Variants in ATL3 observed in about 807,000 individuals in gnomAD.
ATL3 encodes the protein atlastin-3.
ATL3 carries 49 observed loss-of-function variants against 69.5 expected under a neutral mutation model. That is an observed-to-expected ratio of 0.71 (90% CI 0.56 to 0.89). The LOEUF (loss-of-function observed/expected upper bound fraction) is 0.89, where lower values mean the gene tolerates loss of function less well. Ranked by LOEUF, ATL3 falls within the 40% of genes least tolerant of loss-of-function variation. ATL3 has a pLI of 0.00. For synonymous variants in ATL3, 214 were observed against 224.1 expected (o/e 0.95, Z 0.40); for missense variants, 606 against 645.7 (o/e 0.94, Z 0.67).
intron 1 of ATL3, among the ~76,000 whole-genome samples, chr11:63,662,079 G>A (rs376175046): frequency 5.7e-4 from 86 of 151,918 alleles, no homozygotes; most frequent in African/African-American, 2.0e-3. Context: ...CGGGCGTGGT[G>A]GTGGGTGCCT....
intron 10 of ATL3, 30 bp from the exon 11 acceptor site, chr11:63,633,127 ATCCT>A: frequency 6.3e-7 from 1 of 1,582,128 alleles, no homozygotes; most frequent in South Asian, 1.1e-5. Flanking sequence ...TGAACTGTAA[ATCCT>A]TCCTCTTTTA....
Position 63,671,337 on chromosome 11 carries a change from G to A in ATL3, c.-2C>T, listed in dbSNP as rs572959445. ...TGCCACTCGCTGAGGGGACAACATG[G>A]AGCCTCCGCCTTCAAAGCAGAAGCA... is the stretch of plus-strand genomic sequence containing the variant. On this transcript the variant is annotated 5_prime_UTR_variant, in exon 1 of 13. Transcript: ENST00000398868. 126 of 1,583,040 alleles carry A rather than the reference G, an allele frequency of 8.0e-5. 1 individual carries two copies. In the South Asian group the frequency reaches 1.3e-3, roughly 16 times the overall value.
At chr11:63,643,236 A>C (rs1006712293) in intron 8 of ATL3, 121 bp downstream of exon 8, 1 of 1,108,886 alleles carries the variant, frequency 9.0e-7, no homozygotes, top group African/African-American at 1.6e-5. Context: ...CTAGACTTTA[A>C]ATACTACTCT....
intron 1 of ATL3, among the ~76,000 whole-genome samples, chr11:63,665,214 A>G (rs999087659): frequency 4.6e-5 from 7 of 152,064 alleles, no homozygotes; most frequent in Non-Finnish European, 8.8e-5. Flanking sequence ...GCGTGGTGGC[A>G]CATGCCTGTA....
chr11:63,661,663 G>A (rs1202738382), intron 1 of ATL3, among the ~76,000 whole-genome samples: 1 of 151,936 alleles, frequency 6.6e-6, no homozygotes, highest in African/African-American at 2.4e-5. Flanking sequence ...GCCGAGGCGG[G>A]CAGATCACCT....
chr11:63,654,636 G>C (rs1056320711), intron 3 of ATL3, among the ~76,000 whole-genome samples: 2 of 151,440 alleles, frequency 1.3e-5, no homozygotes, highest in African/African-American at 4.9e-5. Context: ...GACCTCAGAT[G>C]ATCCACCCAC....
At chr11:63,644,305 C>T (rs1440671770) in intron 6 of ATL3, 44 bp from the exon 7 acceptor site, 1 of 1,219,752 alleles carries the variant, frequency 8.2e-7, no homozygotes, top group Non-Finnish European at 1.2e-6. Flanking sequence ...TGCATAAACA[C>T]ATTTTCAAGA....
At chr11:63,634,299 G>A (rs1274821533) in intron 10 of ATL3, among the ~76,000 whole-genome samples, 3 of 151,792 alleles carry the variant, frequency 2.0e-5, no homozygotes, top group African/African-American at 7.3e-5. Flanking sequence ...GAGGTCAGGA[G>A]ATCGAGATCA....
rs61066409 is a variant in ATL3, at chr11:63,670,159, T to C, written c.46+1131A>G. 6.1e-3 allele frequency among the ~76,000 whole-genome samples: 936 copies of C among 152,204 alleles called. 9 individuals are homozygous for C. The highest frequency in any genetic ancestry group is 0.021 in the African/African-American group (876 of 41,532). On this transcript the variant is annotated intron_variant, in intron 1 of 12. Transcript: ENST00000398868. ...GACTACTGCAATACTGAGATCCTTCTCAGCCAAGTGTTTACAGGTGTTAGA... is the reference window on the plus strand; with the variant it reads ...GACTACTGCAATACTGAGATCCTTCCCAGCCAAGTGTTTACAGGTGTTAGA...
intron 12 of ATL3, among the ~76,000 whole-genome samples, chr11:63,629,876 C>CA (rs1010795500): frequency 1.3e-5 from 2 of 150,950 alleles, no homozygotes; most frequent in African/African-American, 4.9e-5. Flanking sequence ...ACCTCGTCTC[C>CA]AAAAAAAATT....
chr11:63,626,770 C>G lies in ATL3; in HGVS notation c.*2549G>C, dbSNP rs1939126399. On this transcript the variant is annotated 3_prime_UTR_variant, in exon 13 of 13. Coordinates refer to ENST00000398868, the MANE Select transcript of ATL3 (RefSeq NM_015459.5). Reference sequence around the variant, plus strand: ...AGAAGTAAAAGATATTATTTTTAACCTGGTTATAAATCTCCCCAGGATGAT... The same window carrying G: ...AGAAGTAAAAGATATTATTTTTAACGTGGTTATAAATCTCCCCAGGATGAT... 1 of 152,094 alleles carries G rather than the reference C, an allele frequency of 6.6e-6. No individual in the cohort carries two copies. Among genetic ancestry groups the G allele is most frequent in the Admixed American group, 6.6e-5 (1 of 15,260 alleles). 9.4% of individuals were successfully genotyped at this position (152,094 alleles called of 1,614,324 possible). A position where few individuals can be genotyped will look rare whatever the true frequency, so the allele number is the denominator to read the frequency against.
intron 4 of ATL3, 44 bp downstream of exon 4, chr11:63,652,422 TTTATC>T (rs1405647161): frequency 1.7e-6 from 2 of 1,207,522 alleles, no homozygotes; most frequent in Non-Finnish European, 2.3e-6. Context: ...ATTTCCTCCC[TTTATC>T]TTATTTCCTT....
chr11:63,651,118 G>A (rs1485138877), intron 5 of ATL3, among the ~76,000 whole-genome samples: 1 of 152,120 alleles, frequency 6.6e-6, no homozygotes, highest in Non-Finnish European at 1.5e-5. Flanking sequence ...ACTCACAAAA[G>A]AGCATTTTGT....
At chr11:63,660,867 T>C (rs1302193406) in intron 1 of ATL3, among the ~76,000 whole-genome samples, 1 of 152,006 alleles carries the variant, frequency 6.6e-6, no homozygotes, top group African/African-American at 2.4e-5. Context: ...TATATATATA[T>C]TATTTAATCC....
In ATL3 at chr11:63,626,015, A is replaced by G. The variant is rs1476144889; in HGVS notation, c.*3304T>C. The G allele has an allele frequency of 2.6e-5, 4 of 152,098 alleles. No homozygotes were observed. Among genetic ancestry groups the G allele is most frequent in the African/African-American group, 7.2e-5 (3 of 41,396 alleles). 9.4% of individuals were successfully genotyped at this position (152,098 alleles called of 1,614,324 possible). A position where few individuals can be genotyped will look rare whatever the true frequency, so the allele number is the denominator to read the frequency against. ...AAAGGAATAAAGCGAAACACAGGCA[A>G]TTTTACCAAGTATAAAAGAGGTGTT... On this transcript the variant is annotated 3_prime_UTR_variant, in exon 13 of 13. Transcript: ENST00000398868.
At chr11:63,657,208 C>CAAAAAAAAAAAAAAAAAAAAAAAA (rs1254213240) in intron 3 of ATL3, among the ~76,000 whole-genome samples, 7 of 59,904 alleles carry the variant, frequency 1.2e-4, no homozygotes, top group African/African-American at 3.9e-4. Flanking sequence ...GACTACATCT[C>CAAAAAAAAAAAAAAAAAAAAAAAA]AAAAAAAAAA....
rs529992923 is a variant in ATL3, at chr11:63,628,243, G to A, written c.*1076C>T. 10 of 151,192 alleles carry A rather than the reference G, an allele frequency of 6.6e-5. No individual in the cohort carries two copies. Among genetic ancestry groups the A allele is most frequent in the East Asian group, 1.9e-4 (1 of 5,150 alleles). 9.4% of individuals were successfully genotyped at this position (151,192 alleles called of 1,614,324 possible). On this transcript the variant is annotated 3_prime_UTR_variant, in exon 13 of 13. Transcript: ENST00000398868. Reference sequence around the variant, plus strand: ...TAGCTTTTTTCTTGAAGTATCTAGCGCATTCCTTTTATTATGAGCCACTCT... The same window carrying A: ...TAGCTTTTTTCTTGAAGTATCTAGCACATTCCTTTTATTATGAGCCACTCT...
intron 1 of ATL3, among the ~76,000 whole-genome samples, chr11:63,663,121 A>G (rs564209741): frequency 3.4e-5 from 5 of 148,690 alleles, no homozygotes; most frequent in African/African-American, 9.8e-5. Flanking sequence ...GGTTCTTCGC[A>G]CTTTTTTTTT....
chr11:63,667,034 G>C (rs1467703561), intron 1 of ATL3, among the ~76,000 whole-genome samples: 1 of 152,182 alleles, frequency 6.6e-6, no homozygotes, highest in Non-Finnish European at 1.5e-5. Context: ...GCAGTTCTTA[G>C]TACCATGATG....
Sources: gnomAD v4.1 joint callset for allele counts (sites outside exome capture counted in the v4.1 genomes callset) on GRCh38, gnomAD v4.1.1 for gene constraint, MANE v1.5 for transcripts, NCBI Gene and HGNC (gene_info 2026-07-23, HGNC 2026-07-21) for gene names.